The following SYNE2 variants were observed in gnomAD, a reference collection of about 807,000 sequenced individuals.
SYNE2 encodes the protein nesprin-2.
SYNE2 carries 431 observed loss-of-function variants against 856.3 expected under a neutral mutation model. That is an observed-to-expected ratio of 0.50 (90% CI 0.47 to 0.55). The LOEUF (loss-of-function observed/expected upper bound fraction) is 0.55, where lower values mean the gene tolerates loss of function less well. Among genes scored for constraint, SYNE2 ranks in the 20% least tolerant of loss-of-function variants. The pLI, the probability that SYNE2 is intolerant of heterozygous loss-of-function variation, is 0.00. For synonymous variants in SYNE2, 2,923 were observed against 2,872.3 expected (o/e 1.02, Z -0.56); for missense variants, 8,129 against 8,023.2 (o/e 1.01, Z -0.50).
chr14:64,128,962 G>T (rs560416578), intron 74 of SYNE2, among the ~76,000 whole-genome samples: 1 of 152,226 alleles, frequency 6.6e-6, no homozygotes, highest in Non-Finnish European at 1.5e-5. Context: ...TTCCAGCACT[G>T]TTTGAAGTGC....
At chr14:63,823,989 T>G (rs114084328) in intron 1 of SYNE2, among the ~76,000 whole-genome samples, 1,635 of 152,268 alleles carry the variant, frequency 0.011, 26 homozygotes, top group African/African-American at 0.038. Flanking sequence ...TAAGACCTAC[T>G]ATTTGCTAGC....
chr14:64,128,370 A>C, intron 73 of SYNE2, 82 bp from the exon 74 acceptor site: 2 of 777,196 alleles, frequency 2.6e-6, no homozygotes, highest in Non-Finnish European at 4.5e-6. Context: ...AGTGTCACAA[A>C]AATTATAAAA....
intron 38 of SYNE2, 32 bp from the exon 39 acceptor site, chr14:64,024,222 CAGG>C (rs1371568375): frequency 1.2e-6 from 2 of 1,604,644 alleles, no homozygotes; most frequent in Admixed American, 3.3e-5. Flanking sequence ...TCAGACTTGC[CAGG>C]AGATTGTAAT....
rs34498554 is a variant in SYNE2, at chr14:64,165,766, G to A, written c.16605+356G>A. ...TGACGTCAGGTGATCCGCCTGCCTC[G>A]GCCTCCCAAAGTGCTGGGATTACAG... On this transcript the variant is annotated intron_variant, in intron 90 of 115. Transcript: ENST00000555002. 6.6e-3 allele frequency among the ~76,000 whole-genome samples: 1,007 copies of A among 152,084 alleles called. 31 individuals are homozygous for A. The highest frequency in any genetic ancestry group is 0.047 in the Admixed American group (723 of 15,284).
intron 1 of SYNE2, among the ~76,000 whole-genome samples, chr14:63,780,946 G>A (rs1179041370): frequency 6.6e-6 from 1 of 152,094 alleles, no homozygotes; most frequent in Non-Finnish European, 1.5e-5. Context: ...TTATCGGGAG[G>A]TTAAATGGGT....
intron 94 of SYNE2, chr14:64,173,799 A>T: frequency 9.1e-6 from 5 of 549,652 alleles, no homozygotes; most frequent in Non-Finnish European, 1.6e-5. Context: ...AAACTATTTA[A>T]TTTTTCCTCT....
intron 1 of SYNE2, among the ~76,000 whole-genome samples, chr14:63,855,493 C>G (rs780408893): frequency 1.3e-5 from 2 of 152,162 alleles, no homozygotes; most frequent in Non-Finnish European, 2.9e-5. Flanking sequence ...AGCTTTCTTG[C>G]TGCATGAGGG....
chr14:63,955,451 T>C (rs898288393), intron 8 of SYNE2, among the ~76,000 whole-genome samples: 3 of 152,208 alleles, frequency 2.0e-5, no homozygotes, highest in East Asian at 1.9e-4. Context: ...AATTTAACTT[T>C]ATAAAATTAA....
At chr14:64,192,605 C>G (rs1437009550) in intron 99 of SYNE2, among the ~76,000 whole-genome samples, 1 of 152,084 alleles carries the variant, frequency 6.6e-6, no homozygotes, top group African/African-American at 2.4e-5. Context: ...TGCCTATATT[C>G]TTAACAATAT....
At chr14:64,124,987 A>G in intron 70 of SYNE2, 92 bp from the exon 71 acceptor site, 2 of 1,531,416 alleles carry the variant, frequency 1.3e-6, no homozygotes, top group Non-Finnish European at 1.8e-6. Context: ...TGGGCGACAG[A>G]GCAAGACTCC....
chr14:63,796,160 T>C (rs1887907287), intron 1 of SYNE2, among the ~76,000 whole-genome samples: 1 of 152,172 alleles, frequency 6.6e-6, no homozygotes, highest in Admixed American at 6.6e-5. Flanking sequence ...CTAATATAAA[T>C]CAAATGTTGA....
intron 1 of SYNE2, among the ~76,000 whole-genome samples, chr14:63,869,793 G>C (rs560057758): frequency 6.6e-6 from 1 of 152,108 alleles, no homozygotes; most frequent in Non-Finnish European, 1.5e-5. Flanking sequence ...TAATCTTTGA[G>C]TTCACAAGAC....
chr14:63,807,341 CAAA>C (rs574264237), intron 1 of SYNE2, among the ~76,000 whole-genome samples: 9 of 86,646 alleles, frequency 1.0e-4, no homozygotes, highest in Admixed American at 2.7e-4. Context: ...GACCCTGTCT[CAAA>C]AAAAAAAAAA....
intron 30 of SYNE2, among the ~76,000 whole-genome samples, chr14:64,005,328 G>A (rs568704570): frequency 6.6e-6 from 1 of 152,344 alleles, no homozygotes; most frequent in South Asian, 2.1e-4. Context: ...TCCCTGGTAG[G>A]GATGAAGCTG....
chr14:64,119,471 G>A lies in SYNE2; in HGVS notation c.12885G>A (p.Glu4295=), dbSNP rs768003331. The part of the protein sequence containing the change: ...EIEHKVAFLL[E]TCKDQGLGDN... ...AGCACAAGGTTGCCTTTCTGTTAGA[G>A]ACTTGCAAAGATCAGGGCCTGGGAG... Residue 4295 remains glutamate (E), a synonymous_variant, in exon 67 of 116, where the codon GAG becomes GAA. Transcript: ENST00000555002. The A allele has an allele frequency of 1.9e-6, 3 of 1,614,092 alleles. No individual in the cohort carries two copies. The highest frequency in any genetic ancestry group is 1.7e-6 in the Non-Finnish European group (2 of 1,180,042).
At chr14:64,078,139 T>C (rs2097484342) in intron 54 of SYNE2, among the ~76,000 whole-genome samples, 1 of 152,230 alleles carries the variant, frequency 6.6e-6, no homozygotes, top group Non-Finnish European at 1.5e-5. Context: ...TTGATCCATA[T>C]GGAAATGTTT....
At chr14:63,944,307 T>TAA (rs1491322869) in intron 6 of SYNE2, among the ~76,000 whole-genome samples, 3 of 135,356 alleles carry the variant, frequency 2.2e-5, no homozygotes, top group Admixed American at 7.7e-5. Context: ...TATATATATA[T>TAA]AAATAAATAA....
At chr14:63,935,939 A>G (rs1434759721) in intron 2 of SYNE2, among the ~76,000 whole-genome samples, 1 of 152,208 alleles carries the variant, frequency 6.6e-6, no homozygotes, top group East Asian at 1.9e-4. Flanking sequence ...CAGTGGCACA[A>G]TCTTGGCTCA....
intron 2 of SYNE2, among the ~76,000 whole-genome samples, chr14:63,926,781 A>AG (rs1013421025): frequency 2.6e-5 from 4 of 152,244 alleles, no homozygotes; most frequent in Non-Finnish European, 5.9e-5. Context: ...CTCCACAGCC[A>AG]GTGTTCTTAA....
Sources: gnomAD v4.1 joint callset for allele counts (sites outside exome capture counted in the v4.1 genomes callset) on GRCh38, gnomAD v4.1.1 for gene constraint, MANE v1.5 for transcripts, NCBI Gene and HGNC (gene_info 2026-07-23, HGNC 2026-07-21) for gene names.